Variants in FAR2 observed in about 807,000 individuals in gnomAD.
FAR2 encodes the protein epididymis secretory protein Li 81.
Under a neutral mutation model 56.0 loss-of-function variants are expected in FAR2, and 19 were observed. That is an observed-to-expected ratio of 0.34 (90% confidence interval 0.24 to 0.50). FAR2 has a LOEUF of 0.50. Among genes scored for constraint, FAR2 ranks in the 20% least tolerant of loss-of-function variants. The pLI is 0.98. For synonymous variants in FAR2, 219 were observed against 218.8 expected (o/e 1.00, Z -0.01); for missense variants, 508 against 642.2 (o/e 0.79, Z 2.26).
At chr12:29,325,076 C>CA (rs1194554683) in intron 10 of FAR2, among the ~76,000 whole-genome samples, 1 of 151,710 alleles carries the variant, frequency 6.6e-6, no homozygotes, top group Admixed American at 6.6e-5. Context: ...AAATGGAAAA[C>CA]AAAAAAAGGC....
chr12:29,234,715 A>G (rs1021006523), intron 1 of FAR2, among the ~76,000 whole-genome samples: 1 of 152,122 alleles, frequency 6.6e-6, no homozygotes, highest in Non-Finnish European at 1.5e-5. Context: ...TACAGCTATT[A>G]TCTCTGCCTA....
chr12:29,213,416 G>A (rs530352876), intron 1 of FAR2, among the ~76,000 whole-genome samples: 17 of 152,266 alleles, frequency 1.1e-4, no homozygotes, highest in African/African-American at 3.9e-4. Context: ...TCAGCCGGAC[G>A]CGGTGGCTCA....
chr12:29,152,648 T>C (rs1466120134), intron 1 of FAR2, among the ~76,000 whole-genome samples: 1 of 152,228 alleles, frequency 6.6e-6, no homozygotes, highest in African/African-American at 2.4e-5. Flanking sequence ...CAGTGTACTT[T>C]AGGATACAAA....
At chr12:29,234,422 G>C (rs1332532413) in intron 1 of FAR2, among the ~76,000 whole-genome samples, 2 of 152,044 alleles carry the variant, frequency 1.3e-5, no homozygotes, top group South Asian at 2.1e-4. Context: ...ACAAAGTCCT[G>C]ATGTTTTTGC....
At chr12:29,161,200 C>G (rs1322145594) in intron 1 of FAR2, among the ~76,000 whole-genome samples, 1 of 152,134 alleles carries the variant, frequency 6.6e-6, no homozygotes, top group Non-Finnish European at 1.5e-5. Flanking sequence ...AGACACCTCC[C>G]AGATTCTATC....
At chr12:29,333,385 G>A in intron 11 of FAR2, 3 of 431,604 alleles carry the variant, frequency 7.0e-6, no homozygotes, top group East Asian at 3.8e-5. Context: ...TGCTAGTCAT[G>A]CTTGTAAATA....
chr12:29,229,664 G>A (rs1947824171), intron 1 of FAR2, among the ~76,000 whole-genome samples: 2 of 152,154 alleles, frequency 1.3e-5, no homozygotes, highest in Admixed American at 1.3e-4. Flanking sequence ...AGCAAAAGCA[G>A]ATAGATGAAT....
At chr12:29,253,475 A>G (rs931596681) in intron 1 of FAR2, among the ~76,000 whole-genome samples, 1 of 151,794 alleles carries the variant, frequency 6.6e-6, no homozygotes, top group African/African-American at 2.4e-5. Context: ...ACATATATCT[A>G]TGTATATGTA....
chr12:29,277,031 G>A (rs1948711990), intron 2 of FAR2, among the ~76,000 whole-genome samples: 2 of 152,156 alleles, frequency 1.3e-5, no homozygotes, highest in Middle Eastern at 3.2e-3. Context: ...CTGCTAGAGT[G>A]CAGTGGCTCT....
intron 3 of FAR2, among the ~76,000 whole-genome samples, chr12:29,294,837 G>C (rs1274080058): frequency 1.3e-5 from 2 of 152,020 alleles, no homozygotes; most frequent in Non-Finnish European, 2.9e-5. Context: ...AATTCTGTAA[G>C]AAGAGTGATG....
intron 1 of FAR2, among the ~76,000 whole-genome samples, chr12:29,224,090 A>G (rs1488439437): frequency 6.6e-6 from 1 of 152,234 alleles, no homozygotes; most frequent in African/African-American, 2.4e-5. Flanking sequence ...AGCAGAATCA[A>G]GAAATCTGGT....
chr12:29,173,780 G>A (rs7963958), intron 1 of FAR2, among the ~76,000 whole-genome samples: 146,564 of 152,114 alleles, frequency 0.96, 70,838 homozygotes, highest in East Asian at 1. Flanking sequence ...AAGAACCCGC[G>A]ACAGTCCCTA....
At chr12:29,320,639 ACTTGTAG>A (rs1321335930) in intron 9 of FAR2, among the ~76,000 whole-genome samples, 6 of 152,218 alleles carry the variant, frequency 3.9e-5, no homozygotes, top group African/African-American at 1.4e-4. Flanking sequence ...GCCAAAAGTG[ACTTGTAG>A]CTAAAAGACC....
chr12:29,242,520 C>A (rs1314901361), intron 1 of FAR2, among the ~76,000 whole-genome samples: 1 of 152,204 alleles, frequency 6.6e-6, no homozygotes, highest in Non-Finnish European at 1.5e-5. Flanking sequence ...TCCCCAGGAG[C>A]AACTCAAGTC....
intron 1 of FAR2, among the ~76,000 whole-genome samples, chr12:29,212,206 A>C (rs968632431): frequency 6.6e-6 from 1 of 152,188 alleles, no homozygotes; most frequent in African/African-American, 2.4e-5. Context: ...AACTTAAAGC[A>C]AATACTTAAA....
In FAR2 at chr12:29,334,776, G is replaced by A. The variant is rs1160921610; in HGVS notation, c.*982G>A. 1 of 152,098 alleles carries A rather than the reference G, an allele frequency of 6.6e-6. No homozygotes were observed. The highest frequency in any genetic ancestry group is 2.4e-5 in the African/African-American group (1 of 41,408). The allele number at this position is 152,098 out of a possible 1,614,324, so 9.4% of individuals were successfully genotyped here. A position where few individuals can be genotyped will look rare whatever the true frequency, so the allele number is the denominator to read the frequency against. ...GATTACACTTATGTGATCACCAAAG[G>A]ATTTACTAGTATCTTGGTCATTCCA... On this transcript the variant is annotated 3_prime_UTR_variant, in exon 12 of 12. Transcript: ENST00000536681.
chr12:29,160,891 G>A (rs748985291), intron 1 of FAR2, among the ~76,000 whole-genome samples: 32 of 151,894 alleles, frequency 2.1e-4, no homozygotes, highest in African/African-American at 7.7e-4. Context: ...TCCAAATAAG[G>A]TCACATTCTA....
intron 1 of FAR2, among the ~76,000 whole-genome samples, chr12:29,172,361 A>C (rs1032159011): frequency 1.3e-5 from 2 of 152,212 alleles, no homozygotes; most frequent in Non-Finnish European, 2.9e-5. Flanking sequence ...TTTCGACATT[A>C]AAGTTTACTT....
intron 8 of FAR2, 117 bp from the exon 9 acceptor site, chr12:29,316,724 T>C: frequency 9.8e-7 from 1 of 1,020,984 alleles, no homozygotes; most frequent in South Asian, 1.7e-5. Flanking sequence ...AATTGATTCT[T>C]GACTCTACAC....
Sources: allele counts gnomAD v4.1 joint callset (sites outside exome capture counted in the v4.1 genomes callset), GRCh38; gene constraint gnomAD v4.1.1; transcripts MANE v1.5; gene names NCBI Gene and HGNC (gene_info 2026-07-23, HGNC 2026-07-21).